HK3: variants seen among roughly 807,000 people sequenced by gnomAD.
The protein encoded by HK3 is hexokinase 3.
Under a neutral mutation model 91.0 loss-of-function variants are expected in HK3, and 93 were observed. The observed-to-expected ratio is 1.02, with a 90% confidence interval of 0.86 to 1.21. The LOEUF is 1.21. HK3 is among the 50% of genes most tolerant of loss of function. HK3 has a pLI of 0.00. For synonymous variants in HK3, 519 were observed against 516.9 expected (o/e 1.00, Z -0.06); for missense variants, 1,235 against 1,247.4 (o/e 0.99, Z 0.15).
At chr5:176,886,439 G>A (rs1371997552) in intron 13 of HK3, among the ~76,000 whole-genome samples, 2 of 151,870 alleles carry the variant, frequency 1.3e-5, no homozygotes, top group Non-Finnish European at 2.9e-5. Flanking sequence ...AGATTCCTGG[G>A]AGTTTGGACC....
Position 176,889,600 on chromosome 5 carries a change from G to A in HK3, c.731-36C>T, listed in dbSNP as rs189687134. 631 of 1,614,174 alleles carry A rather than the reference G, an allele frequency of 3.9e-4. 4 individuals are homozygous for A. The highest frequency in any genetic ancestry group is 2.1e-3 in the Admixed American group (128 of 60,032). On this transcript the variant is annotated intron_variant, in intron 7 of 18. Transcript: ENST00000292432. ...CAACCCTGTCAAGGCCTGCTAGCCA[G>A]GCAGCACACCCTCCACCTGTCATCA... is the stretch of plus-strand genomic sequence containing the variant.
At chr5:176,882,772 G>A (rs1462751371) in intron 15 of HK3, among the ~76,000 whole-genome samples, 1 of 152,230 alleles carries the variant, frequency 6.6e-6, no homozygotes, top group East Asian at 1.9e-4. Flanking sequence ...CACCCTGGAT[G>A]AGGGCGTCTC....
At position 176,888,740 on chromosome 5, in the gene HK3, T is replaced by C; in HGVS notation, c.1039A>G (p.Ile347Val). The C allele has an allele frequency of 1.9e-6, 3 of 1,614,204 alleles. No homozygotes were observed. Among genetic ancestry groups the C allele is most frequent in the Non-Finnish European group, 2.5e-6 (3 of 1,180,032 alleles). Residue 347 changes from isoleucine to valine, a missense_variant, in exon 9 of 19, where the codon ATC (isoleucine) becomes GTC (valine). Around this residue, in one of 3 missense-constraint regions of HK3, gnomAD observed 717 missense variants for 751.6 expected, o/e 0.95. Coordinates refer to ENST00000292432, the MANE Select transcript of HK3 (RefSeq NM_002115.3). ...TSPALLSQGS[I>V]LLEHVAEMED... Reference sequence around the variant, plus strand: ...ATCTCAGCCACGTGTTCCAGGAGGATGCTGCCTTGGCTCAGCAGGGCAGGG... The same window carrying C: ...ATCTCAGCCACGTGTTCCAGGAGGACGCTGCCTTGGCTCAGCAGGGCAGGG...
At position 176,887,538 on chromosome 5, in the gene HK3, G is replaced by C; in HGVS notation, c.1513C>G (p.Arg505Gly). 11 of 1,613,824 alleles carry C rather than the reference G, an allele frequency of 6.8e-6. No homozygotes were observed. Among genetic ancestry groups the C allele is most frequent in the Non-Finnish European group, 9.3e-6 (11 of 1,180,002 alleles). ...DQLAAVQAQM[R>G]KAMAKGLRGE... ...CGGAGCCCCTTGGCCATGGCCTTCC[G>C]CATCTGTGCCTGAACCGCAGCCAGT... The change falls in exon 11 of 19, where the codon CGG (arginine) becomes GGG (glycine). Residue 505 changes from arginine (R) to glycine (G), a missense_variant. Arg to Gly is a moderately radical substitution (Grantham distance 125). Transcript: ENST00000292432. The surrounding 1 kb of genome is among the most constrained non-coding windows in gnomAD (Gnocchi z 4.9).
rs544516408 is a variant in HK3 at position 176,899,259 on chromosome 5, G to A, written c.-27+8C>T. The A allele has an allele frequency of 2.0e-5, 3 of 152,438 alleles. No homozygotes were observed. Among genetic ancestry groups the A allele is most frequent in the African/African-American group, 7.2e-5 (3 of 41,584 alleles). The allele number at this position is 152,438 out of a possible 1,614,324, so 9.4% of individuals were successfully genotyped here. Reference sequence around the variant, plus strand: ...AGGAGCAGGCAGTAATTAGACCGAAGTGCTTACCTGGGACACAGAGAAGCT... The same window carrying A: ...AGGAGCAGGCAGTAATTAGACCGAAATGCTTACCTGGGACACAGAGAAGCT... On this transcript the variant is annotated splice_region_variant and intron_variant, in intron 1 of 18. Transcript: ENST00000292432.
intron 2 of HK3, among the ~76,000 whole-genome samples, chr5:176,894,777 CTTTTT>C (rs550204831): frequency 2.2e-5 from 3 of 138,002 alleles, no homozygotes; most frequent in Non-Finnish European, 1.6e-5. Context: ...TATGCAAGTC[CTTTTT>C]TTTTTTTTTT....
chr5:176,890,907 A>G lies in HK3; in HGVS notation c.449T>C (p.Phe150Ser). The part of the protein sequence containing the change: ...FDFAAHCLSE[F>S]LDAQPVNKQG... Reference sequence around the variant, plus strand: ...TTTGTTCACAGGCTGCGCATCCAGGAACTCAGACAGGCAGTGGGCAGCAAA... The same window carrying G: ...TTTGTTCACAGGCTGCGCATCCAGGGACTCAGACAGGCAGTGGGCAGCAAA... Residue 150 changes from phenylalanine to serine, a missense_variant, in exon 5 of 19, where the codon TTC (phenylalanine) becomes TCC (serine). Phe to Ser is a radical substitution (Grantham distance 155). This residue lies in a region of HK3 where 717 missense variants were observed against 751.6 expected (regional missense o/e 0.95). Coordinates refer to ENST00000292432, the MANE Select transcript of HK3 (RefSeq NM_002115.3). 6.2e-7 allele frequency: 1 copy of G among 1,614,018 alleles called. No individual in the cohort carries two copies. The highest frequency in any genetic ancestry group is 8.5e-7 in the Non-Finnish European group (1 of 1,180,032).
At chr5:176,890,172 T>C (rs1224321766) in intron 6 of HK3, among the ~76,000 whole-genome samples, 1 of 152,178 alleles carries the variant, frequency 6.6e-6, no homozygotes, top group African/African-American at 2.4e-5. Flanking sequence ...ATCCAGACTC[T>C]TGTGTGTGGC....
intron 14 of HK3, 28 bp from the exon 15 acceptor site, chr5:176,883,897 C>G (rs1758510261): frequency 6.2e-7 from 1 of 1,610,232 alleles, no homozygotes; most frequent in African/African-American, 1.3e-5. Flanking sequence ...CTGCTAGTTG[C>G]TGGGCAACGC....
chr5:176,881,222 G>A lies in HK3; in HGVS notation c.2628-5C>T, dbSNP rs746400571. On this transcript the variant is annotated splice_polypyrimidine_tract_variant and splice_region_variant and intron_variant, in intron 18 of 18. Transcript: ENST00000292432. ...GCCGCCACCAGGCTGGAGAAGCTGT[G>A]AGAGGAGGGCTGAGGTGAGCCCAGG... 1 of 1,613,192 alleles carries A rather than the reference G, an allele frequency of 6.2e-7. No homozygotes were observed. The highest frequency in any genetic ancestry group is 8.5e-7 in the Non-Finnish European group (1 of 1,179,932).
At position 176,896,123 on chromosome 5, in the gene HK3, C is replaced by T; in HGVS notation, c.37G>A (p.Glu13Lys). The T allele has an allele frequency of 1.2e-6, 2 of 1,612,584 alleles. No individual in the cohort carries two copies. Among genetic ancestry groups the T allele is most frequent in the Non-Finnish European group, 1.7e-6 (2 of 1,179,256 alleles). The change falls in exon 2 of 19, where the codon GAA (glutamate) becomes AAA (lysine). Residue 13 changes from glutamate to lysine, a missense_variant. Physicochemically the swap from Glu to Lys is moderately conservative, Grantham distance 56. Coordinates refer to ENST00000292432, the MANE Select transcript of HK3 (RefSeq NM_002115.3). ...SIGSSGLRQG[E>K]ETLSCSEEGL... ...TCCTCAGAGCAACTCAGGGTTTCTTCCCCCTGCCGCAACCCTGAAGACCCA... is the reference window on the plus strand; with the variant it reads ...TCCTCAGAGCAACTCAGGGTTTCTTTCCCCTGCCGCAACCCTGAAGACCCA...
In HK3 at chr5:176,884,160, C is replaced by T; in HGVS notation, c.1858-26G>A. On this transcript the variant is annotated intron_variant, in intron 13 of 18. Coordinates refer to ENST00000292432, the MANE Select transcript of HK3 (RefSeq NM_002115.3). The surrounding 1 kb of genome is among the most constrained non-coding windows in gnomAD (Gnocchi z 4.1). ...CTGGGGTGAGACCGAGAGGAAGTGG[C>T]AGGAAGCTGGAGGCCCCTTCAGGCT... is the stretch of plus-strand genomic sequence containing the variant. The T allele has an allele frequency of 6.2e-7, 1 of 1,600,830 alleles. No homozygotes were observed. The highest frequency in any genetic ancestry group is 8.6e-7 in the Non-Finnish European group (1 of 1,168,160).
rs922923553 is a variant in HK3, at chr5:176,881,709, G to A, written c.2376C>T (p.Phe792=). 4 of 1,614,022 alleles carry A rather than the reference G, an allele frequency of 2.5e-6. No homozygotes were observed. In the African/African-American group the frequency reaches 4.0e-5, roughly 16 times the overall value. Residue 792 remains phenylalanine, a synonymous_variant, in exon 17 of 19, where the codon TTC becomes TTT. Transcript: ENST00000292432. ...LQTRDIFKTK[F]LSEIESDSLA... ...TCAGGCACCTTTCGATCTCAGAGAG[G>A]AACTTGGTCTTGAAGATGTCCCTGG...
At chr5:176,886,301 G>A (rs960767482) in intron 13 of HK3, among the ~76,000 whole-genome samples, 3 of 151,944 alleles carry the variant, frequency 2.0e-5, no homozygotes, top group Non-Finnish European at 2.9e-5. Flanking sequence ...TCACATGGAG[G>A]CTGGTTGGAG....
chr5:176,896,039 A>G, intron 2 of HK3, 25 bp downstream of exon 2: 3 of 1,598,898 alleles, frequency 1.9e-6, no homozygotes, highest in Non-Finnish European at 2.6e-6. Flanking sequence ...ACAAGCATGA[A>G]ACAGGAACCC....
In HK3 at chr5:176,884,913, G is replaced by A. The variant is rs547306406; in HGVS notation, c.1858-779C>T. On this transcript the variant is annotated intron_variant, in intron 13 of 18. Transcript: ENST00000292432. This position sits in a 1 kb window ranked among gnomAD's most constrained non-coding sequence, Gnocchi z 4.1. ...GAAGATTTTAGAAATAGTAAGCAAC[G>A]TTTTCCTCCAATAATATGTCCTTTT... 3.9e-5 allele frequency among the ~76,000 whole-genome samples: 6 copies of A among 152,290 alleles called. No individual in the cohort carries two copies. The highest frequency in any genetic ancestry group is 4.1e-4 in the South Asian group (2 of 4,826).
chr5:176,881,317 T>C lies in HK3; in HGVS notation c.2612A>G (p.Tyr871Cys). The change falls in exon 18 of 19, where the codon TAC (tyrosine) becomes TGC (cysteine). Residue 871 changes from tyrosine to cysteine, a missense_variant. Around this residue, in one of 3 missense-constraint regions of HK3, gnomAD observed 513 missense variants for 477.4 expected, o/e 1.07. Transcript: ENST00000292432. ...CCAGACTCACCGCGGGTGCAGCTTG[T>C]AGAGCGTTCCATCCACCCCCACAGA... ...AVSVGVDGTL[Y>C]KLHPRFSSLV... 2 of 1,613,852 alleles carry C rather than the reference T, an allele frequency of 1.2e-6. No homozygotes were observed. Among genetic ancestry groups the C allele is most frequent in the Non-Finnish European group, 1.7e-6 (2 of 1,179,948 alleles).
rs947789483 is a variant in HK3, at chr5:176,887,451, C to T, written c.1600G>A (p.Glu534Lys). ...TCCCACACTCAGGCCAGGTCCTTAC[C>T]GCTGCCGTCAGGGGTGGCCCGGACG... ...TFVRATPDGSERGDFLALDLG... is the reference protein window; with the variant it reads ...TFVRATPDGSKRGDFLALDLG... The change falls in exon 11 of 19, where the codon GAG becomes AAG. Residue 534 changes from glutamate (E) to lysine (K), a missense_variant and splice_region_variant. Glu to Lys is a moderately conservative substitution (Grantham distance 56). Coordinates refer to ENST00000292432, the MANE Select transcript of HK3 (RefSeq NM_002115.3). This position sits in a 1 kb window ranked among gnomAD's most constrained non-coding sequence, Gnocchi z 4.9. 1.2e-5 allele frequency: 20 copies of T among 1,612,026 alleles called. No individual in the cohort carries two copies. The highest frequency in any genetic ancestry group is 4.5e-5 in the East Asian group (2 of 44,828).
rs1472124170 is a variant in HK3 at position 176,882,179 on chromosome 5, C to T, written c.2054-52G>A. ...GCTACTTACTGATGTAGACAAGGAC[C>T]CTCTGAGCACTTCCCATACCGAGAT... On this transcript the variant is annotated intron_variant, in intron 15 of 18. Coordinates refer to ENST00000292432, the MANE Select transcript of HK3 (RefSeq NM_002115.3). The T allele has an allele frequency of 2.5e-6, 4 of 1,585,958 alleles. No homozygotes were observed. In the East Asian group the frequency reaches 9.0e-5, roughly 36 times the overall value.
Sources: gnomAD v4.1 joint callset for allele counts (sites outside exome capture counted in the v4.1 genomes callset) on GRCh38, gnomAD v4.1.1 for gene constraint, gnomAD v4.1.1 regional missense constraint, Gnocchi (gnomAD v3.1) non-coding constraint, MANE v1.5 for transcripts, NCBI Gene and HGNC (gene_info 2026-07-23, HGNC 2026-07-21) for gene names.